The following PIK3C2A variants were observed in gnomAD, a reference collection of about 807,000 sequenced individuals.
The protein encoded by PIK3C2A is phosphatidylinositol 4-phosphate 3-kinase C2 domain-containing subunit alpha.
A neutral mutation model predicts 204.5 loss-of-function variants in PIK3C2A; 97 were observed. The ratio of observed to expected loss-of-function variants is 0.47; its 90% CI spans 0.40 to 0.56. PIK3C2A has a LOEUF of 0.56. Among genes scored for constraint, PIK3C2A ranks in the 20% least tolerant of loss-of-function variants. The pLI is 0.00. For missense variants in PIK3C2A, 1,735 were observed against 1,969.2 expected (o/e 0.88, Z 2.25); for synonymous variants, 653 against 664.4 (o/e 0.98, Z 0.26).
chr11:17,176,178 T>C (rs919035496), intron 1 of PIK3C2A, among the ~76,000 whole-genome samples: 2 of 150,526 alleles, frequency 1.3e-5, no homozygotes, highest in African/African-American at 4.9e-5. Flanking sequence ...TCATTTTTGT[T>C]TTTTTTTTAG....
chr11:17,198,711 G>A (rs1173454584), intron 1 of PIK3C2A, among the ~76,000 whole-genome samples: 2 of 151,992 alleles, frequency 1.3e-5, no homozygotes, highest in Non-Finnish European at 2.9e-5. Context: ...AGGATCCTTT[G>A]AGCCTATCAG....
At chr11:17,116,692 C>T (rs915438886) in intron 19 of PIK3C2A, among the ~76,000 whole-genome samples, 1 of 152,026 alleles carries the variant, frequency 6.6e-6, no homozygotes, top group Non-Finnish European at 1.5e-5. Flanking sequence ...CGGGTTCACG[C>T]CATTCTCCTG....
At chr11:17,126,114 A>G (rs1849513478) in intron 13 of PIK3C2A, among the ~76,000 whole-genome samples, 1 of 152,122 alleles carries the variant, frequency 6.6e-6, no homozygotes, top group South Asian at 2.1e-4. Flanking sequence ...ACAGAGTGAG[A>G]CTCTGTCTCA....
At chr11:17,145,512 T>C (rs1850209736) in intron 8 of PIK3C2A, among the ~76,000 whole-genome samples, 156 bp downstream of exon 8, 3 of 152,166 alleles carry the variant, frequency 2.0e-5, no homozygotes, top group African/African-American at 7.2e-5. Context: ...CATGTTGAAC[T>C]GTAAGTCAAT....
intron 1 of PIK3C2A, among the ~76,000 whole-genome samples, chr11:17,181,659 TACACACAC>T (rs71047535): frequency 1.8e-5 from 2 of 113,146 alleles, no homozygotes; most frequent in African/African-American, 8.8e-5. Flanking sequence ...TATATATATA[TACACACAC>T]ACACACACAC....
chr11:17,091,300 A>G, intron 32 of PIK3C2A, 34 bp downstream of exon 32: 1 of 1,574,548 alleles, frequency 6.4e-7, no homozygotes, highest in Non-Finnish European at 8.6e-7. Context: ...AAAATAATAA[A>G]CCAAGGAAAC....
intron 1 of PIK3C2A, among the ~76,000 whole-genome samples, chr11:17,207,509 AG>A (rs1227469850): frequency 1.3e-5 from 2 of 151,804 alleles, no homozygotes; most frequent in Non-Finnish European, 1.5e-5. Flanking sequence ...AAGGCGGGGG[AG>A]GGGGGCCGGC....
At chr11:17,183,053 A>G (rs2137531599) in intron 1 of PIK3C2A, among the ~76,000 whole-genome samples, 1 of 152,252 alleles carries the variant, frequency 6.6e-6, no homozygotes, top group Non-Finnish European at 1.5e-5. Context: ...CATGTTGCCC[A>G]GGCTGGTCTC....
Position 17,163,908 on chromosome 11 carries a change from T to TAAA in PIK3C2A, c.1065+4766_1065+4768dup, listed in dbSNP as rs35154954. Among the ~76,000 whole-genome samples the TAAA allele has an allele frequency of 1.4e-3, 194 of 142,608 alleles. 3 individuals carry two copies. Among genetic ancestry groups the TAAA allele is most frequent in the South Asian group, 9.8e-3 (44 of 4,472 alleles). The allele number at this position is 142,608 out of a possible 152,430, so 93.6% of individuals were successfully genotyped here. On this transcript the variant is annotated intron_variant, in intron 2 of 32. Transcript: ENST00000691414. ...AATGTATGTCCAAAATACAAAACCT[T>TAAA]AAAAAAAAAAAAAAAGTCCACTTCC...
At chr11:17,133,799 A>G (rs7127204) in intron 11 of PIK3C2A, among the ~76,000 whole-genome samples, 143,088 of 151,800 alleles carry the variant, frequency 0.94, 68,025 homozygotes, top group Non-Finnish European at 1. Context: ...ATGGTGGTGC[A>G]CACCTGTAAT....
Position 17,155,636 on chromosome 11 carries a change from T to C in PIK3C2A, c.1066-7A>G, listed in dbSNP as rs1202316945. The C allele has an allele frequency of 5.9e-6, 9 of 1,529,014 alleles. No individual in the cohort carries two copies. In the South Asian group the frequency reaches 8.0e-5, roughly 14 times the overall value. The allele number at this position is 1,529,014 out of a possible 1,614,324, so 94.7% of individuals were successfully genotyped here. On this transcript the variant is annotated splice_polypyrimidine_tract_variant and splice_region_variant and intron_variant, in intron 2 of 32. Coordinates refer to ENST00000691414, the MANE Select transcript of PIK3C2A (RefSeq NM_002645.4). ...TGGTCCCATTTGGGTCTTTCTGTAA[T>C]TAAAAAAGTGTTTTTATTTTAAAAG...
intron 14 of PIK3C2A, 143 bp downstream of exon 14, chr11:17,122,559 T>C (rs1159040258): frequency 1.9e-5 from 12 of 625,684 alleles, no homozygotes; most frequent in East Asian, 8.5e-5. Flanking sequence ...CTCAGAAATA[T>C]TGATATTAAA....
chr11:17,160,162 C>T (rs1850727510), intron 2 of PIK3C2A, among the ~76,000 whole-genome samples: 1 of 152,154 alleles, frequency 6.6e-6, no homozygotes, highest in African/African-American at 2.4e-5. Flanking sequence ...GCCAAGGAGT[C>T]ACATTACTAC....
chr11:17,190,203 C>A (rs1420879754), intron 1 of PIK3C2A, among the ~76,000 whole-genome samples: 1 of 151,588 alleles, frequency 6.6e-6, no homozygotes, highest in South Asian at 2.1e-4. Context: ...GCAGAGGTTG[C>A]AGTGAGCCGA....
At position 17,207,979 on chromosome 11, in the gene PIK3C2A, A is replaced by C. The variant is rs935991357; in HGVS notation, c.-197T>G. 6.6e-6 allele frequency: 1 copy of C among 152,266 alleles called. No homozygotes were observed. Among genetic ancestry groups the C allele is most frequent in the Non-Finnish European group, 1.5e-5 (1 of 68,074 alleles). The allele number at this position is 152,266 out of a possible 1,614,324, so 9.4% of individuals were successfully genotyped here. A position where few individuals can be genotyped will look rare whatever the true frequency, so the allele number is the denominator to read the frequency against. On this transcript the variant is annotated 5_prime_UTR_variant, in exon 1 of 33. Coordinates refer to ENST00000691414, the MANE Select transcript of PIK3C2A (RefSeq NM_002645.4). The stretch of plus-strand genomic sequence containing the variant: ...GCCGACTCCACAGCCAGCCAAGCGC[A>C]GCACGTCACTTCCGGACAGGGAAGC...
intron 23 of PIK3C2A, among the ~76,000 whole-genome samples, chr11:17,104,836 C>T (rs557519717): frequency 6.6e-6 from 1 of 151,900 alleles, no homozygotes; most frequent in African/African-American, 2.4e-5. Context: ...TCTTAACTAC[C>T]ACATGATGCA....
At chr11:17,117,858 C>T (rs907473891) in intron 18 of PIK3C2A, among the ~76,000 whole-genome samples, 187 bp from the exon 19 acceptor site, 2 of 151,424 alleles carry the variant, frequency 1.3e-5, no homozygotes, top group Admixed American at 6.6e-5. Context: ...GGACTATAGG[C>T]GCCCGCCACC....
intron 1 of PIK3C2A, among the ~76,000 whole-genome samples, chr11:17,186,383 T>C (rs117006164): frequency 0.034 from 5,149 of 152,174 alleles, 142 homozygotes; most frequent in Non-Finnish European, 0.041. Context: ...ATAAATTCCA[T>C]GAAGCTGGGA....
In PIK3C2A at chr11:17,101,290, GT is replaced by G. The variant is rs764868957; in HGVS notation, c.3995del (p.Asn1332ThrfsTer5). ...AAAGAATAGTTACCAGTGAAAGGAG[GT>G]TAAGAAAAAGGTTTGTCTGCTTTCT... ...LIRKQTNLFL[N>X]LLSLMIPSGL... On this transcript the variant is annotated frameshift_variant, in exon 25 of 33. Coordinates refer to ENST00000691414, the MANE Select transcript of PIK3C2A (RefSeq NM_002645.4). LOFTEE classifies it high-confidence loss of function. 6.5e-7 allele frequency: 1 copy of G among 1,542,852 alleles called. No individual in the cohort carries two copies.
Sources: allele counts gnomAD v4.1 joint callset (sites outside exome capture counted in the v4.1 genomes callset), GRCh38; gene constraint gnomAD v4.1.1; transcripts MANE v1.5; gene names NCBI Gene and HGNC (gene_info 2026-07-23, HGNC 2026-07-21).